The following BMPR1B variants were observed in gnomAD, a reference collection of about 807,000 sequenced individuals.
BMPR1B encodes the protein bone morphogenetic protein receptor type-1B.
A neutral mutation model predicts 59.1 loss-of-function variants in BMPR1B; 12 were observed. That is an observed-to-expected ratio of 0.20 (90% confidence interval 0.13 to 0.33). BMPR1B has a LOEUF of 0.33. Ranked by LOEUF, BMPR1B falls within the 10% of genes least tolerant of loss-of-function variation. BMPR1B has a pLI of 1.00. For synonymous variants in BMPR1B, 237 were observed against 207.3 expected (o/e 1.14, Z -1.23); for missense variants, 550 against 610.9 (o/e 0.90, Z 1.05).
At chr4:95,031,977 T>C (rs1025534236) in intron 3 of BMPR1B, among the ~76,000 whole-genome samples, 6 of 152,142 alleles carry the variant, frequency 3.9e-5, no homozygotes, top group Non-Finnish European at 7.3e-5. Flanking sequence ...CTTAATCATT[T>C]ATGTTACAGT....
At chr4:95,153,406 C>T (rs1393580708) in intron 12 of BMPR1B, among the ~76,000 whole-genome samples, 1 of 152,142 alleles carries the variant, frequency 6.6e-6, no homozygotes, top group Non-Finnish European at 1.5e-5. Context: ...AGCCTTCAAA[C>T]TCACCATGTT....
intron 2 of BMPR1B, among the ~76,000 whole-genome samples, chr4:94,926,051 C>G (rs1284101541): frequency 2.2e-5 from 2 of 89,100 alleles, no homozygotes; most frequent in Admixed American, 2.1e-4. Flanking sequence ...CCCTCCTACC[C>G]TCCCTCCCCC....
chr4:95,040,207 T>G (rs1725555231), intron 3 of BMPR1B, among the ~76,000 whole-genome samples: 1 of 152,212 alleles, frequency 6.6e-6, no homozygotes, highest in Admixed American at 6.5e-5. Flanking sequence ...TTTAGATATT[T>G]TCCAAATAGT....
At chr4:94,809,198 A>T (rs1304853011) in intron 1 of BMPR1B, among the ~76,000 whole-genome samples, 1 of 152,206 alleles carries the variant, frequency 6.6e-6, no homozygotes, top group African/African-American at 2.4e-5. Flanking sequence ...CTGTAGGCAC[A>T]TGAGGAGGGC....
At chr4:94,804,157 C>A (rs547288004) in intron 1 of BMPR1B, among the ~76,000 whole-genome samples, 2 of 152,168 alleles carry the variant, frequency 1.3e-5, no homozygotes, top group African/African-American at 4.8e-5. Context: ...GGATTACAGG[C>A]GTGAGCCACC....
At chr4:94,764,226 C>A in intron 1 of BMPR1B, among the ~76,000 whole-genome samples, 1 of 152,132 alleles carries the variant, frequency 6.6e-6, no homozygotes, top group East Asian at 1.9e-4. Context: ...GGATGAACAA[C>A]TTTGACTTCC....
chr4:95,135,063 T>A (rs1470549304), intron 10 of BMPR1B, among the ~76,000 whole-genome samples: 2 of 152,228 alleles, frequency 1.3e-5, no homozygotes, highest in Non-Finnish European at 2.9e-5. Context: ...GAGATCCAGT[T>A]TCAGCTTTCT....
chr4:95,074,064 C>T (rs1252685535), intron 3 of BMPR1B, among the ~76,000 whole-genome samples: 1 of 151,482 alleles, frequency 6.6e-6, no homozygotes, highest in Admixed American at 6.6e-5. Context: ...TATATGATGA[C>T]TTTAATTTTG....
chr4:94,980,619 G>A (rs564508847), intron 2 of BMPR1B, among the ~76,000 whole-genome samples: 3 of 152,268 alleles, frequency 2.0e-5, no homozygotes, highest in South Asian at 4.1e-4. Context: ...GTGGGTGTGT[G>A]CGTGCATTCT....
At chr4:95,033,026 A>G (rs915487191) in intron 3 of BMPR1B, among the ~76,000 whole-genome samples, 3 of 152,112 alleles carry the variant, frequency 2.0e-5, no homozygotes, top group African/African-American at 7.2e-5. Context: ...CATGTGAGGT[A>G]GTATCTCATT....
At chr4:94,892,568 T>C (rs1727441391) in intron 2 of BMPR1B, among the ~76,000 whole-genome samples, 1 of 152,094 alleles carries the variant, frequency 6.6e-6, no homozygotes, top group Admixed American at 6.6e-5. Context: ...TATTTAGTCA[T>C]GTTTAATCAT....
chr4:95,090,016 G>T (rs1388093770), intron 3 of BMPR1B, among the ~76,000 whole-genome samples: 3 of 152,084 alleles, frequency 2.0e-5, no homozygotes, highest in African/African-American at 7.2e-5. Flanking sequence ...CGGCCTCAGG[G>T]TGTTACTCGG....
intron 10 of BMPR1B, among the ~76,000 whole-genome samples, chr4:95,144,320 A>C (rs1193477369): frequency 3.3e-5 from 5 of 152,032 alleles, no homozygotes; most frequent in African/African-American, 1.2e-4. Flanking sequence ...GGCTACAGGC[A>C]TGTGCCACCA....
At chr4:95,126,083 G>C (rs1332738384) in intron 8 of BMPR1B, among the ~76,000 whole-genome samples, 1 of 152,096 alleles carries the variant, frequency 6.6e-6, no homozygotes, top group East Asian at 1.9e-4. Flanking sequence ...CAACTTCTCA[G>C]TTACCCCAGA....
At chr4:95,029,855 C>G (rs1245447789) in intron 3 of BMPR1B, among the ~76,000 whole-genome samples, 1 of 152,338 alleles carries the variant, frequency 6.6e-6, no homozygotes, top group South Asian at 2.1e-4. Flanking sequence ...TTGCATTTCT[C>G]TTAAGGCCTA....
chr4:95,005,919 T>C (rs1453415578), intron 3 of BMPR1B, among the ~76,000 whole-genome samples: 1 of 152,156 alleles, frequency 6.6e-6, no homozygotes, highest in Non-Finnish European at 1.5e-5. Context: ...CCTAAAGTCA[T>C]TTACCCTCTC....
intron 2 of BMPR1B, among the ~76,000 whole-genome samples, chr4:94,930,725 A>T (rs907800192): frequency 6.6e-6 from 1 of 152,142 alleles, no homozygotes; most frequent in East Asian, 1.9e-4. Context: ...GTGTGGAATG[A>T]GCTATTAAAA....
intron 10 of BMPR1B, among the ~76,000 whole-genome samples, chr4:95,147,298 A>G (rs889903274): frequency 6.6e-6 from 1 of 152,216 alleles, no homozygotes; most frequent in African/African-American, 2.4e-5. Flanking sequence ...GTAAATGTAA[A>G]AATTTTGAGA....
chr4:95,044,529 C>T (rs1011266687), intron 3 of BMPR1B, among the ~76,000 whole-genome samples: 3 of 152,214 alleles, frequency 2.0e-5, no homozygotes, highest in Non-Finnish European at 4.4e-5. Flanking sequence ...GAACACAAAT[C>T]CTCCTCTACA....
Sources: allele counts gnomAD v4.1 joint callset (sites outside exome capture counted in the v4.1 genomes callset), GRCh38; gene constraint gnomAD v4.1.1; transcripts MANE v1.5; gene names NCBI Gene and HGNC (gene_info 2026-07-23, HGNC 2026-07-21).